Variants in TMCC1 observed in about 807,000 individuals in gnomAD.
TMCC1 encodes transmembrane and coiled-coil domain family 1, also known as transmembrane and coiled-coil domains protein 1.
TMCC1 carries 15 observed loss-of-function variants against 52.4 expected under a neutral mutation model. The observed-to-expected ratio is 0.29, with a 90% CI of 0.19 to 0.44. TMCC1 has a LOEUF of 0.44. TMCC1 is among the 20% of genes least tolerant of loss of function. TMCC1 has a pLI of 1.00. For missense variants in TMCC1, 503 were observed against 806.0 expected, an observed-to-expected ratio of 0.62 and a Z score of 4.55; for synonymous variants, 279 against 301.9, an observed-to-expected ratio of 0.92 and a Z score of 0.79.
chr3:129,721,832 C>T (rs969859882), intron 4 of TMCC1, among the ~76,000 whole-genome samples: 2 of 151,900 alleles, frequency 1.3e-5, no homozygotes, highest in African/African-American at 4.8e-5. Context: ...GCCGAGATGG[C>T]GCCACTGCAC....
chr3:129,700,641 T>A lies in TMCC1; in HGVS notation c.577-29377A>T, dbSNP rs2047752244. On this transcript the variant is annotated intron_variant, in intron 4 of 6. Coordinates refer to ENST00000393238, the MANE Select transcript of TMCC1 (RefSeq NM_001017395.5). ...GCAGGTGCACGCCACCATGCCTGGC[T>A]AATTTTTGTACTTTTAGTAGAGATG... is the stretch of plus-strand genomic sequence containing the variant. 3.9e-5 allele frequency among the ~76,000 whole-genome samples: 6 copies of A among 152,238 alleles called. No individual in the cohort carries two copies. The South Asian group carries it at 1.2e-3, about 32-fold the overall frequency.
chr3:129,824,062 G>A (rs1220463865), intron 4 of TMCC1, among the ~76,000 whole-genome samples: 2 of 152,156 alleles, frequency 1.3e-5, no homozygotes, highest in African/African-American at 4.8e-5. Flanking sequence ...TTGGCTGGGC[G>A]CGGTGGCTCA....
intron 4 of TMCC1, among the ~76,000 whole-genome samples, chr3:129,788,181 G>A (rs1296893381): frequency 2.6e-5 from 4 of 152,064 alleles, no homozygotes; most frequent in Admixed American, 2.6e-4. Flanking sequence ...AGATAGCTGT[G>A]TACTTAAAAA....
intron 2 of TMCC1, among the ~76,000 whole-genome samples, chr3:129,876,228 T>C (rs1167574401): frequency 6.6e-6 from 1 of 150,722 alleles, no homozygotes; most frequent in Non-Finnish European, 1.5e-5. Context: ...ACCTGCTAAC[T>C]GCTTTACAAT....
intron 4 of TMCC1, among the ~76,000 whole-genome samples, chr3:129,805,035 AG>A (rs1361446082): frequency 6.6e-6 from 1 of 152,242 alleles, no homozygotes; most frequent in African/African-American, 2.4e-5. Flanking sequence ...CATGGTTCAA[AG>A]TAATATTTAA....
At chr3:129,700,658 G>A (rs924506228) in intron 4 of TMCC1, among the ~76,000 whole-genome samples, 2 of 151,772 alleles carry the variant, frequency 1.3e-5, no homozygotes, top group African/African-American at 4.8e-5. Context: ...TGTACTTTTA[G>A]TAGAGATGGG....
At chr3:129,682,536 C>T (rs1319789780) in intron 4 of TMCC1, among the ~76,000 whole-genome samples, 1 of 152,096 alleles carries the variant, frequency 6.6e-6, no homozygotes, top group Non-Finnish European at 1.5e-5. Context: ...CCTACAGTGC[C>T]TGCTGGATAT....
At chr3:129,761,327 C>CAAAAAAAAAAAAA (rs59160769) in intron 4 of TMCC1, among the ~76,000 whole-genome samples, 2 of 61,230 alleles carry the variant, frequency 3.3e-5, no homozygotes, top group African/African-American at 1.2e-4. Context: ...GACTCCGTCT[C>CAAAAAAAAAAAAA]AAAAAAAAAA....
At chr3:129,870,556 G>A (rs888001287) in intron 2 of TMCC1, among the ~76,000 whole-genome samples, 1 of 151,428 alleles carries the variant, frequency 6.6e-6, no homozygotes, top group Non-Finnish European at 1.5e-5. Flanking sequence ...TGGCTAACAT[G>A]GTGAAACCCC....
intron 2 of TMCC1, among the ~76,000 whole-genome samples, chr3:129,875,850 T>C (rs2061178316): frequency 6.6e-6 from 1 of 152,026 alleles, no homozygotes; most frequent in South Asian, 2.1e-4. Flanking sequence ...AATAATAAAA[T>C]AGGGCCGGTG....
intron 2 of TMCC1, among the ~76,000 whole-genome samples, chr3:129,840,063 C>T (rs965730538): frequency 1.3e-5 from 2 of 149,718 alleles, no homozygotes; most frequent in Non-Finnish European, 3.0e-5. Context: ...TGTAATGGCT[C>T]ACACCTGTAA....
At position 129,738,424 on chromosome 3, in the gene TMCC1, T is replaced by C. The variant is rs142001125; in HGVS notation, c.577-67160A>G. ...GCAGTATTCCTGGAATAGATCTTCA[T>C]ATATTACACAATTCTGTTGCAGTAC... On this transcript the variant is annotated intron_variant, in intron 4 of 6. Transcript: ENST00000393238. Among the ~76,000 whole-genome samples the C allele has an allele frequency of 4.2e-3, 637 of 152,362 alleles. 7 individuals are homozygous for C. Among genetic ancestry groups the C allele is most frequent in the African/African-American group, 0.015 (609 of 41,576 alleles).
chr3:129,729,490 T>C (rs1015559935), intron 4 of TMCC1, among the ~76,000 whole-genome samples: 1 of 152,198 alleles, frequency 6.6e-6, no homozygotes, highest in African/African-American at 2.4e-5. Context: ...ATTTTTTATA[T>C]ACAGCTGTTC....
chr3:129,722,969 T>G (rs1158551734), intron 4 of TMCC1, among the ~76,000 whole-genome samples: 2 of 152,256 alleles, frequency 1.3e-5, no homozygotes, highest in South Asian at 4.1e-4. Flanking sequence ...TAAATCCAAC[T>G]GCTCAATAGC....
intron 4 of TMCC1, among the ~76,000 whole-genome samples, chr3:129,759,697 GCAGC>G (rs2053340700): frequency 7.3e-6 from 1 of 136,384 alleles, no homozygotes; most frequent in African/African-American, 2.8e-5. Flanking sequence ...ATGAGCCACT[GCAGC>G]CAGCCAAACT....
At chr3:129,716,824 C>A (rs1157922374) in intron 4 of TMCC1, among the ~76,000 whole-genome samples, 1 of 152,156 alleles carries the variant, frequency 6.6e-6, no homozygotes, top group East Asian at 1.9e-4. Flanking sequence ...ACCCTTAAGG[C>A]AGGAGGCCTG....
At chr3:129,770,527 G>A (rs994756178) in intron 4 of TMCC1, among the ~76,000 whole-genome samples, 1 of 151,794 alleles carries the variant, frequency 6.6e-6, no homozygotes, top group African/African-American at 2.4e-5. Context: ...GCAGTGAGCT[G>A]TGATCACACC....
chr3:129,726,600 C>T (rs35043537), intron 4 of TMCC1, among the ~76,000 whole-genome samples: 2,361 of 151,752 alleles, frequency 0.016, 27 homozygotes, highest in Non-Finnish European at 0.023. Context: ...ATGTGAAGGC[C>T]GGGCATGATG....
At chr3:129,839,664 C>T (rs1326641518) in intron 2 of TMCC1, among the ~76,000 whole-genome samples, 4 of 152,016 alleles carry the variant, frequency 2.6e-5, no homozygotes, top group Non-Finnish European at 5.9e-5. Context: ...GTAGGAGGAT[C>T]GCTTGAGCCC....
Sources: gnomAD v4.1 joint callset for allele counts (sites outside exome capture counted in the v4.1 genomes callset) on GRCh38, gnomAD v4.1.1 for gene constraint, MANE v1.5 for transcripts, NCBI Gene and HGNC (gene_info 2026-07-23, HGNC 2026-07-21) for gene names.